The following ERBB4 variants were observed in gnomAD, a reference collection of about 807,000 sequenced individuals.
ERBB4 encodes the protein receptor tyrosine-protein kinase erbB-4.
ERBB4 carries 42 observed loss-of-function variants against 158.0 expected under a neutral mutation model. The observed-to-expected ratio is 0.27, with a 90% confidence interval of 0.21 to 0.34. The LOEUF is 0.34. Among genes scored for constraint, ERBB4 ranks in the 10% least tolerant of loss-of-function variants. The pLI is 1.00. For missense variants in ERBB4, 1,333 were observed against 1,624.1 expected (o/e 0.82, Z 3.08); for synonymous variants, 583 against 558.7 (o/e 1.04, Z -0.61).
At chr2:211,930,859 C>G (rs1364033694) in intron 3 of ERBB4, among the ~76,000 whole-genome samples, 1 of 152,020 alleles carries the variant, frequency 6.6e-6, no homozygotes, top group African/African-American at 2.4e-5. Flanking sequence ...TATGAAATAT[C>G]TAGGCATTCA....
At chr2:212,415,448 C>T (rs1165902450) in intron 1 of ERBB4, among the ~76,000 whole-genome samples, 2 of 152,024 alleles carry the variant, frequency 1.3e-5, no homozygotes, top group Non-Finnish European at 2.9e-5. Context: ...TTTTGGCATG[C>T]TGTATACCTG....
intron 1 of ERBB4, among the ~76,000 whole-genome samples, chr2:212,309,375 T>C (rs1474821553): frequency 1.3e-5 from 2 of 150,910 alleles, no homozygotes; most frequent in East Asian, 3.9e-4. Context: ...TGAATACTTA[T>C]TATAAAATAA....
At chr2:211,387,410 A>G (rs1013512746) in intron 26 of ERBB4, among the ~76,000 whole-genome samples, 3 of 152,234 alleles carry the variant, frequency 2.0e-5, no homozygotes, top group African/African-American at 7.2e-5. Context: ...ATATTCTAAT[A>G]AAATGTATTT....
intron 20 of ERBB4, among the ~76,000 whole-genome samples, chr2:211,525,796 G>A (rs963674091): frequency 3.9e-5 from 6 of 152,160 alleles, no homozygotes; most frequent in East Asian, 1.9e-4. Flanking sequence ...GAACATCAGC[G>A]AGAGTCTGGC....
chr2:212,410,025 T>C (rs748033362), intron 1 of ERBB4, among the ~76,000 whole-genome samples: 1 of 152,080 alleles, frequency 6.6e-6, no homozygotes, highest in Non-Finnish European at 1.5e-5. Context: ...CAAAGATTGT[T>C]AGATATTAAA....
intron 1 of ERBB4, among the ~76,000 whole-genome samples, chr2:212,420,847 T>C (rs2091775830): frequency 6.6e-6 from 1 of 152,170 alleles, no homozygotes; most frequent in Non-Finnish European, 1.5e-5. Flanking sequence ...GGATGTTTTA[T>C]TCTCAGCACA....
At chr2:211,716,290 A>T (rs932379374) in intron 7 of ERBB4, among the ~76,000 whole-genome samples, 1 of 133,468 alleles carries the variant, frequency 7.5e-6, no homozygotes, top group African/African-American at 2.9e-5. Context: ...TGAACCCGGG[A>T]GGTGGAGGTT....
chr2:212,072,176 A>G (rs979581359), intron 2 of ERBB4, among the ~76,000 whole-genome samples: 16 of 152,016 alleles, frequency 1.1e-4, no homozygotes, highest in Admixed American at 6.6e-4. Flanking sequence ...TACAGAAGTT[A>G]CAACTCTAGT....
chr2:211,959,832 T>G (rs1177656491), intron 2 of ERBB4, among the ~76,000 whole-genome samples: 1 of 152,120 alleles, frequency 6.6e-6, no homozygotes, highest in Non-Finnish European at 1.5e-5. Flanking sequence ...AAACATGACC[T>G]GGCCCCTTAG....
intron 3 of ERBB4, among the ~76,000 whole-genome samples, chr2:211,810,558 G>T (rs569932592): frequency 2.7e-5 from 4 of 150,304 alleles, no homozygotes; most frequent in African/African-American, 7.3e-5. Context: ...ATCTTCCTCC[G>T]TCCCTTTATT....
intron 25 of ERBB4, among the ~76,000 whole-genome samples, chr2:211,399,449 GAT>G (rs2062988447): frequency 6.6e-6 from 1 of 152,160 alleles, no homozygotes; most frequent in Admixed American, 6.6e-5. Context: ...AGTTTTAAAA[GAT>G]GTGGAATTTT....
intron 3 of ERBB4, among the ~76,000 whole-genome samples, chr2:211,832,876 CTATATA>C (rs969467130): frequency 7.0e-6 from 1 of 142,076 alleles, no homozygotes; most frequent in Non-Finnish European, 1.5e-5. Flanking sequence ...ATAAATAAGA[CTATATA>C]TATAGTTTAT....
intron 24 of ERBB4, among the ~76,000 whole-genome samples, chr2:211,421,637 T>C (rs1559150962): frequency 6.6e-6 from 1 of 151,844 alleles, no homozygotes; most frequent in Non-Finnish European, 1.5e-5. Context: ...ATGGGCAAGA[T>C]TAAAACAAAA....
intron 3 of ERBB4, among the ~76,000 whole-genome samples, chr2:211,831,075 C>T (rs927756837): frequency 1.3e-5 from 2 of 151,704 alleles, no homozygotes; most frequent in Non-Finnish European, 2.9e-5. Flanking sequence ...GAAAGAAAAA[C>T]AGCAAACATT....
chr2:211,670,797 T>C (rs2071808653), intron 14 of ERBB4, among the ~76,000 whole-genome samples: 1 of 152,180 alleles, frequency 6.6e-6, no homozygotes, highest in Non-Finnish European at 1.5e-5. Context: ...CAGTAATGTA[T>C]GTTAAATCAT....
intron 13 of ERBB4, among the ~76,000 whole-genome samples, chr2:211,675,222 TCC>T (rs2072014997): frequency 6.6e-6 from 1 of 151,660 alleles, no homozygotes; most frequent in Non-Finnish European, 1.5e-5. Flanking sequence ...GGAGCTTTGT[TCC>T]CTTGGTTTTG....
rs1345402443 is a variant in ERBB4, at chr2:212,003,183, AAGAAAGAAAGAAAGAAAGAAAGAC to A, written c.235-55591_235-55568del. 1.8e-3 allele frequency among the ~76,000 whole-genome samples: 117 copies of A among 66,080 alleles called. 5 individuals are homozygous for A. The highest frequency in any genetic ancestry group is 6.5e-3 in the Middle Eastern group (1 of 154). The allele number at this position is 66,080 out of a possible 152,430, so 43.4% of individuals were successfully genotyped here. ...AAAGAAAGAAAGAAAGAAAGAAAGA[AAGAAAGAAAGAAAGAAAGAAAGAC>A]AGAAAGAAGGAAGGAAGGAAGGAAG... On this transcript the variant is annotated intron_variant, in intron 2 of 27. Transcript: ENST00000342788.
chr2:212,523,759 T>A (rs1015787806), intron 1 of ERBB4, among the ~76,000 whole-genome samples: 1 of 151,890 alleles, frequency 6.6e-6, no homozygotes, highest in Non-Finnish European at 1.5e-5. Context: ...CAGAACTCAA[T>A]CCTCACCCCC....
chr2:212,427,023 T>C (rs1445123506), intron 1 of ERBB4, among the ~76,000 whole-genome samples: 3 of 152,192 alleles, frequency 2.0e-5, no homozygotes, highest in Non-Finnish European at 1.5e-5. Context: ...TAGTATCTTC[T>C]TGTCATAGAC....
Sources: allele counts gnomAD v4.1 joint callset (sites outside exome capture counted in the v4.1 genomes callset), GRCh38; gene constraint gnomAD v4.1.1; transcripts MANE v1.5; gene names NCBI Gene and HGNC (gene_info 2026-07-23, HGNC 2026-07-21).